The following RGS12 variants were observed in gnomAD, a reference collection of about 807,000 sequenced individuals.
RGS12 encodes the protein regulator of G protein signaling 12.
RGS12 carries 66 observed loss-of-function variants against 120.1 expected under a neutral mutation model. The ratio of observed to expected loss-of-function variants is 0.55; its 90% CI spans 0.45 to 0.67. The LOEUF is 0.67. RGS12 is among the 30% of genes least tolerant of loss of function. RGS12 has a pLI of 0.00. For synonymous variants in RGS12, 827 were observed against 804.7 expected (o/e 1.03, Z -0.47); for missense variants, 1,859 against 1,957.7 (o/e 0.95, Z 0.95).
At chr4:3,370,620 C>T (rs1370828410) in intron 3 of RGS12, among the ~76,000 whole-genome samples, 1 of 152,248 alleles carries the variant, frequency 6.6e-6, no homozygotes, top group Admixed American at 6.5e-5. Context: ...AGATGTTTTT[C>T]CTTTACCGTG....
At chr4:3,405,967 G>A (rs1962767) in intron 4 of RGS12, among the ~76,000 whole-genome samples, 80,406 of 151,924 alleles carry the variant, frequency 0.53, 21,299 homozygotes, top group South Asian at 0.63. Flanking sequence ...TGGTTTGGGT[G>A]TGAACAAAGG....
chr4:3,322,684 A>G (rs576153323), intron 2 of RGS12, among the ~76,000 whole-genome samples: 1 of 152,338 alleles, frequency 6.6e-6, no homozygotes, highest in Non-Finnish European at 1.5e-5. Flanking sequence ...AAAAATGAAA[A>G]TATGTTATTT....
chr4:3,334,216 C>T (rs746299732), intron 2 of RGS12, among the ~76,000 whole-genome samples: 16 of 152,094 alleles, frequency 1.1e-4, no homozygotes, highest in South Asian at 6.2e-4. Context: ...GAGTTCACTT[C>T]GTTACTACTT....
At chr4:3,298,451 A>G (rs1053271929) in intron 1 of RGS12, among the ~76,000 whole-genome samples, 1 of 152,128 alleles carries the variant, frequency 6.6e-6, no homozygotes, top group African/African-American at 2.4e-5. Flanking sequence ...CCTGGGCTCA[A>G]GCGATCCCCC....
intron 3 of RGS12, among the ~76,000 whole-genome samples, chr4:3,362,906 T>C (rs898619562): frequency 3.5e-5 from 5 of 143,770 alleles, no homozygotes; most frequent in African/African-American, 1.3e-4. Flanking sequence ...TCAGTGTGAG[T>C]GTGCATGGCA....
At chr4:3,336,699 A>G (rs1037013674) in intron 2 of RGS12, among the ~76,000 whole-genome samples, 2 of 152,256 alleles carry the variant, frequency 1.3e-5, no homozygotes, top group African/African-American at 4.8e-5. Context: ...GTGGGTAACG[A>G]AAGAAAAAAA....
chr4:3,290,835 C>T (rs566009848), upstream of RGS12, among the ~76,000 whole-genome samples: 2 of 152,328 alleles, frequency 1.3e-5, no homozygotes, highest in African/African-American at 4.8e-5. Context: ...GTGTCTAGCC[C>T]CTCCAGATGG....
At chr4:3,423,462 C>G in intron 12 of RGS12, 53 bp from the exon 13 acceptor site, 2 of 1,604,174 alleles carry the variant, frequency 1.2e-6, no homozygotes, top group South Asian at 2.2e-5. Context: ...TGAGACTGAT[C>G]TCCTAATGAG....
chr4:3,301,157 TC>T (rs1447574477), intron 1 of RGS12, among the ~76,000 whole-genome samples: 8 of 149,574 alleles, frequency 5.3e-5, no homozygotes, highest in South Asian at 2.3e-4. Flanking sequence ...ACGGGGTCTG[TC>T]CCCGGCTGCC....
intron 3 of RGS12, chr4:3,370,325 A>G: frequency 6.2e-7 from 1 of 1,613,964 alleles, no homozygotes; most frequent in Non-Finnish European, 8.5e-7. Flanking sequence ...CCAGCAGGTA[A>G]GTAGTTCCGG....
chr4:3,438,676 G>A (rs1725042776), intron 17 of RGS12, among the ~76,000 whole-genome samples: 1 of 152,164 alleles, frequency 6.6e-6, no homozygotes, highest in Admixed American at 6.5e-5. Flanking sequence ...GACGCCCTGG[G>A]TAGGGAGGCC....
chr4:3,323,182 T>C (rs1725317833), intron 2 of RGS12, among the ~76,000 whole-genome samples: 1 of 152,214 alleles, frequency 6.6e-6, no homozygotes, highest in Non-Finnish European at 1.5e-5. Flanking sequence ...AGCACCAGGC[T>C]GGGGGGCCTC....
chr4:3,343,258 G>A (rs1191981283), intron 3 of RGS12: 2 of 514,488 alleles, frequency 3.9e-6, no homozygotes, highest in African/African-American at 3.8e-5. Context: ...CTGTCACAGG[G>A]CTTTCTGGGG....
At chr4:3,417,595 G>A (rs774991592) in intron 9 of RGS12, 54 bp downstream of exon 9, 18 of 1,581,760 alleles carry the variant, frequency 1.1e-5, no homozygotes, top group African/African-American at 4.0e-5. Context: ...CCGCGTCCCC[G>A]TCCTGGCGTC....
chr4:3,411,908 G>A (rs370745032), intron 4 of RGS12, among the ~76,000 whole-genome samples: 1 of 152,222 alleles, frequency 6.6e-6, no homozygotes, highest in African/African-American at 2.4e-5. Flanking sequence ...AGTGCGTGCC[G>A]CCCCTTCCAC....
chr4:3,354,682 A>G (rs1714696417), intron 3 of RGS12, among the ~76,000 whole-genome samples: 1 of 152,212 alleles, frequency 6.6e-6, no homozygotes, highest in Non-Finnish European at 1.5e-5. Context: ...GGAGCTAGAA[A>G]GCGTTTTGAA....
At chr4:3,370,111 A>G in intron 3 of RGS12, 2 of 1,388,062 alleles carry the variant, frequency 1.4e-6, no homozygotes, top group Non-Finnish European at 1.9e-6. Flanking sequence ...AACCCTGGCA[A>G]GCCACAGCTT....
intron 4 of RGS12, among the ~76,000 whole-genome samples, chr4:3,411,926 C>T (rs1270735928): frequency 2.0e-5 from 3 of 152,250 alleles, no homozygotes; most frequent in Admixed American, 6.5e-5. Flanking sequence ...CACCGCAGCT[C>T]GGAGTCAGGG....
chr4:3,431,429 G>A lies in RGS12; in HGVS notation c.4114+474G>A, dbSNP rs1227313935. On this transcript the variant is annotated intron_variant, in intron 17 of 17. Coordinates refer to ENST00000336727, the MANE Select transcript of RGS12 (RefSeq NM_001394154.1). The stretch of plus-strand genomic sequence containing the variant: ...GGCTCCCAGACACAGGCCCGTCCTC[G>A]GAAGAGCCTTGAGAGTGCAGCTCGG... 24 of 997,886 alleles carry A rather than the reference G, an allele frequency of 2.4e-5. No homozygotes were observed. In the Admixed American group the frequency reaches 2.7e-4, roughly 11 times the overall value. The allele number at this position is 997,886 out of a possible 1,614,324, so 61.8% of individuals were successfully genotyped here. A position where few individuals can be genotyped will look rare whatever the true frequency, so the allele number is the denominator to read the frequency against.
Sources: gnomAD v4.1 joint callset for allele counts (sites outside exome capture counted in the v4.1 genomes callset) on GRCh38, gnomAD v4.1.1 for gene constraint, MANE v1.5 for transcripts, NCBI Gene and HGNC (gene_info 2026-07-23, HGNC 2026-07-21) for gene names.